NRXN1: variants seen among roughly 807,000 people sequenced by gnomAD.
The protein encoded by NRXN1 is neurexin-1.
Under a neutral mutation model 150.9 loss-of-function variants are expected in NRXN1, and 39 were observed. That is an observed-to-expected ratio of 0.26 (90% confidence interval 0.20 to 0.34). NRXN1 has a LOEUF of 0.34. Among genes scored for constraint, NRXN1 ranks in the 10% least tolerant of loss-of-function variants. The probability of loss-of-function intolerance (pLI) is 1.00; values close to 1 mark genes in which losing one functional copy is unlikely to be tolerated. For synonymous variants in NRXN1, 924 were observed against 757.0 expected, an observed-to-expected ratio of 1.22 and a Z score of -3.62; for missense variants, 1,815 against 1,949.9, an observed-to-expected ratio of 0.93 and a Z score of 1.30.
intron 17 of NRXN1, among the ~76,000 whole-genome samples, chr2:50,421,861 A>C (rs1407399589): frequency 2.0e-5 from 3 of 152,176 alleles, no homozygotes; most frequent in African/African-American, 7.2e-5. Context: ...AAGAAACCAC[A>C]AATGATTTGG....
intron 18 of NRXN1, among the ~76,000 whole-genome samples, chr2:50,206,330 T>C (rs2062575179): frequency 6.6e-6 from 1 of 151,964 alleles, no homozygotes; most frequent in Admixed American, 6.6e-5. Flanking sequence ...AACAAAAGTA[T>C]TCACGAGGTG....
intron 21 of NRXN1, among the ~76,000 whole-genome samples, chr2:49,992,396 AC>A (rs942314055): frequency 1.4e-5 from 2 of 138,084 alleles, no homozygotes; most frequent in African/African-American, 5.2e-5. Flanking sequence ...CAAAAAAAAA[AC>A]ACCCCAAAAA....
At chr2:50,291,121 G>C (rs1160203433) in intron 17 of NRXN1, among the ~76,000 whole-genome samples, 2 of 133,058 alleles carry the variant, frequency 1.5e-5, no homozygotes, top group East Asian at 2.1e-4. Flanking sequence ...TCCTGGAGTT[G>C]AACCACAGAA....
chr2:50,766,594 G>T (rs1702408411), intron 5 of NRXN1, among the ~76,000 whole-genome samples: 1 of 152,000 alleles, frequency 6.6e-6, no homozygotes, highest in Non-Finnish European at 1.5e-5. Context: ...GTTAACAATG[G>T]TGTATGCTGG....
In NRXN1 at chr2:50,745,749, AG is replaced by A. The variant is rs543111916; in HGVS notation, c.833-122135del. 1.4e-3 allele frequency among the ~76,000 whole-genome samples: 216 copies of A among 152,174 alleles called. 1 individual carries two copies. In the Middle Eastern group the frequency reaches 0.027, roughly 19 times the overall value. On this transcript the variant is annotated intron_variant, in intron 5 of 22. Transcript: ENST00000401669. ...AGAACGAGAACCGATTAAAGGGGGAAGCCCCTTGTAAAATCATCAGATCTCA... is the reference window on the plus strand; with the variant it reads ...AGAACGAGAACCGATTAAAGGGGGAACCCCTTGTAAAATCATCAGATCTCA...
intron 2 of NRXN1, among the ~76,000 whole-genome samples, chr2:51,011,579 C>A (rs1002180851): frequency 4.0e-5 from 6 of 151,882 alleles, no homozygotes; most frequent in African/African-American, 9.7e-5. Context: ...ATGGAAGGCA[C>A]TAGGTCCAGA....
intron 12 of NRXN1, among the ~76,000 whole-genome samples, chr2:50,509,479 C>A (rs569260695): frequency 5.1e-4 from 78 of 152,276 alleles, no homozygotes; most frequent in African/African-American, 1.8e-3. Context: ...CCTGTCTCCA[C>A]CCACAATCAG....
intron 17 of NRXN1, among the ~76,000 whole-genome samples, chr2:50,317,332 A>G (rs1181015488): frequency 6.6e-6 from 1 of 152,012 alleles, no homozygotes; most frequent in African/African-American, 2.4e-5. Flanking sequence ...TGAGCAAGAA[A>G]TAATTGAAAA....
chr2:50,397,175 T>G (rs569210360), intron 17 of NRXN1, among the ~76,000 whole-genome samples: 1 of 152,164 alleles, frequency 6.6e-6, no homozygotes, highest in African/African-American at 2.4e-5. Context: ...GAAGAAACTA[T>G]GAGGAGAATC....
chr2:50,888,516 C>G (rs149495036), intron 5 of NRXN1, among the ~76,000 whole-genome samples: 2 of 151,456 alleles, frequency 1.3e-5, no homozygotes, highest in East Asian at 3.9e-4. Context: ...ATTTTTTCTT[C>G]CTTCTTTCCT....
intron 18 of NRXN1, among the ~76,000 whole-genome samples, chr2:50,114,767 C>T (rs975190537): frequency 1.3e-5 from 2 of 151,918 alleles, no homozygotes; most frequent in African/African-American, 4.8e-5. Context: ...ATCTGAGAAG[C>T]CTACACACTG....
chr2:50,649,942 A>T (rs182714297), intron 5 of NRXN1, among the ~76,000 whole-genome samples: 463 of 152,162 alleles, frequency 3.0e-3, no homozygotes, highest in Admixed American at 6.7e-3. Context: ...ACTGTCTAAT[A>T]GCCACAAGTG....
At chr2:50,828,997 C>G (rs1670971639) in intron 5 of NRXN1, among the ~76,000 whole-genome samples, 1 of 152,200 alleles carries the variant, frequency 6.6e-6, no homozygotes. Flanking sequence ...GAGGCCGAGG[C>G]TGGCGGATCA....
chr2:50,658,806 T>A (rs1431599393), intron 5 of NRXN1, among the ~76,000 whole-genome samples: 1 of 152,058 alleles, frequency 6.6e-6, no homozygotes, highest in Admixed American at 6.6e-5. Flanking sequence ...GATCCATATG[T>A]AGCCCAAGTT....
chr2:50,346,951 GC>G lies in NRXN1; in HGVS notation c.3365-109982del. 7.3e-7 allele frequency: 1 copy of G among 1,371,298 alleles called. No individual in the cohort carries two copies. Among genetic ancestry groups the G allele is most frequent in the Non-Finnish European group, 9.4e-7 (1 of 1,062,340 alleles). 84.9% of individuals were successfully genotyped at this position (1,371,298 alleles called of 1,614,324 possible). A position where few individuals can be genotyped will look rare whatever the true frequency, so the allele number is the denominator to read the frequency against. On this transcript the variant is annotated intron_variant, in intron 17 of 22. Coordinates refer to ENST00000401669, the MANE Select transcript of NRXN1 (RefSeq NM_001330078.2). The surrounding 1 kb of genome is among the most constrained non-coding windows in gnomAD (Gnocchi z 5.0). The stretch of plus-strand genomic sequence containing the variant: ...GCACCGGAGCATCCTCTGGTACATG[GC>G]GGGGCGCCCGCCGAGGGGCAGCCGC...
At chr2:50,981,293 C>CA (rs1001544892) in intron 2 of NRXN1, among the ~76,000 whole-genome samples, 17 of 151,222 alleles carry the variant, frequency 1.1e-4, no homozygotes, top group Non-Finnish European at 1.9e-4. Context: ...CCCTTCTCTA[C>CA]AAAAAATAAC....
At chr2:50,332,201 A>G (rs571013399) in intron 17 of NRXN1, among the ~76,000 whole-genome samples, 26 of 152,200 alleles carry the variant, frequency 1.7e-4, no homozygotes, top group Non-Finnish European at 3.5e-4. Context: ...AAATCATACC[A>G]TGCTAACTGT....
chr2:50,376,947 TTTTTCTTTTC>T (rs1011490570), intron 17 of NRXN1, among the ~76,000 whole-genome samples: 3 of 135,568 alleles, frequency 2.2e-5, no homozygotes, highest in African/African-American at 8.7e-5. Flanking sequence ...TCTTTCTTTC[TTTTTCTTTTC>T]TTTTCTTTTT....
intron 21 of NRXN1, among the ~76,000 whole-genome samples, chr2:49,978,813 T>C (rs1345535662): frequency 1.3e-5 from 2 of 151,870 alleles, no homozygotes; most frequent in Middle Eastern, 3.2e-3. Context: ...TAAAACTAGA[T>C]AGATTTTTAC....
Sources: gnomAD v4.1 joint callset for allele counts (sites outside exome capture counted in the v4.1 genomes callset) on GRCh38, gnomAD v4.1.1 for gene constraint, Gnocchi (gnomAD v3.1) non-coding constraint, MANE v1.5 for transcripts, NCBI Gene and HGNC (gene_info 2026-07-23, HGNC 2026-07-21) for gene names.